Variants in GRM7 observed in about 807,000 individuals in gnomAD.
The protein encoded by GRM7 is metabotropic glutamate receptor 7.
GRM7 carries 35 observed loss-of-function variants against 84.5 expected under a neutral mutation model. The observed-to-expected ratio is 0.41, with a 90% confidence interval of 0.32 to 0.55. The LOEUF (loss-of-function observed/expected upper bound fraction) is 0.55, where lower values mean the gene tolerates loss of function less well. GRM7 is among the 20% of genes least tolerant of loss of function. The pLI, the probability that GRM7 is intolerant of heterozygous loss-of-function variation, is 0.19. For missense variants in GRM7, 1,003 were observed against 1,194.6 expected, an observed-to-expected ratio of 0.84 and a Z score of 2.36; for synonymous variants, 487 against 455.1, an observed-to-expected ratio of 1.07 and a Z score of -0.89.
chr3:7,422,919 C>T (rs984327881), intron 5 of GRM7, among the ~76,000 whole-genome samples: 7 of 151,978 alleles, frequency 4.6e-5, no homozygotes, highest in African/African-American at 1.2e-4. Context: ...TGACACTAAC[C>T]GAAGTACAAG....
chr3:7,688,618 G>A (rs1700675575), intron 9 of GRM7, among the ~76,000 whole-genome samples: 1 of 152,178 alleles, frequency 6.6e-6, no homozygotes, highest in African/African-American at 2.4e-5. Flanking sequence ...AATGGGACTA[G>A]TAAACTTGGG....
chr3:7,450,418 C>T (rs1029182402), intron 5 of GRM7, among the ~76,000 whole-genome samples: 3 of 152,056 alleles, frequency 2.0e-5, no homozygotes, highest in African/African-American at 4.8e-5. Context: ...GACAAAACTC[C>T]TCCACTTCTC....
intron 1 of GRM7, among the ~76,000 whole-genome samples, chr3:6,868,963 T>C (rs987554055): frequency 6.6e-6 from 1 of 152,186 alleles, no homozygotes; most frequent in Non-Finnish European, 1.5e-5. Context: ...TGATGGAAAG[T>C]AGCAAGAAAG....
chr3:7,287,736 A>G (rs1317417093), intron 2 of GRM7, among the ~76,000 whole-genome samples: 2 of 152,176 alleles, frequency 1.3e-5, no homozygotes, highest in Admixed American at 1.3e-4. Flanking sequence ...CTTAACAATG[A>G]TAAATCTCAA....
At chr3:7,722,396 G>A (rs559520454) in intron 9 of GRM7, among the ~76,000 whole-genome samples, 6 of 151,258 alleles carry the variant, frequency 4.0e-5, no homozygotes, top group East Asian at 1.9e-4. Flanking sequence ...GGCATGAAGA[G>A]ATAAAGTAAC....
intron 8 of GRM7, among the ~76,000 whole-genome samples, chr3:7,596,060 A>G (rs531251350): frequency 4.8e-4 from 73 of 152,304 alleles, no homozygotes; most frequent in Non-Finnish European, 8.5e-4. Flanking sequence ...AAGGCAAAAG[A>G]CCATGGTAGC....
At chr3:7,185,490 T>C (rs1290318440) in intron 2 of GRM7, among the ~76,000 whole-genome samples, 1 of 152,200 alleles carries the variant, frequency 6.6e-6, no homozygotes, top group Non-Finnish European at 1.5e-5. Context: ...GACCCCACTA[T>C]GTAGCTCTAT....
At chr3:7,251,195 G>A (rs1264232662) in intron 2 of GRM7, among the ~76,000 whole-genome samples, 2 of 152,110 alleles carry the variant, frequency 1.3e-5, no homozygotes, top group South Asian at 2.1e-4. Context: ...CAAAAGGGAT[G>A]TAGCCATGGT....
intron 1 of GRM7, among the ~76,000 whole-genome samples, chr3:6,969,094 T>G (rs1693637729): frequency 6.6e-6 from 1 of 150,472 alleles, no homozygotes; most frequent in Admixed American, 6.7e-5. Flanking sequence ...GGGTGTTTTT[T>G]TTTTCTTTCT....
chr3:7,480,588 A>G (rs1377574804), intron 7 of GRM7, among the ~76,000 whole-genome samples: 1 of 152,264 alleles, frequency 6.6e-6, no homozygotes, highest in Non-Finnish European at 1.5e-5. Flanking sequence ...TACAATATTT[A>G]TACATATTAT....
intron 9 of GRM7, among the ~76,000 whole-genome samples, chr3:7,723,818 GC>G (rs1702031959): frequency 6.6e-6 from 1 of 152,096 alleles, no homozygotes; most frequent in Non-Finnish European, 1.5e-5. Context: ...CTGCACTCCA[GC>G]CTGGGCAACA....
chr3:6,948,018 T>C (rs930710447), intron 1 of GRM7, among the ~76,000 whole-genome samples: 2 of 152,204 alleles, frequency 1.3e-5, no homozygotes, highest in Admixed American at 6.5e-5. Flanking sequence ...CCTGGATTCA[T>C]TGATTTTTTT....
At chr3:7,166,592 A>G (rs1472264712) in intron 2 of GRM7, among the ~76,000 whole-genome samples, 1 of 152,016 alleles carries the variant, frequency 6.6e-6, no homozygotes, top group Non-Finnish European at 1.5e-5. Context: ...TGTCAGTGAC[A>G]GACCTGGGAC....
intron 1 of GRM7, among the ~76,000 whole-genome samples, chr3:6,989,023 G>A (rs1239010591): frequency 6.6e-6 from 1 of 152,120 alleles, no homozygotes; most frequent in African/African-American, 2.4e-5. Context: ...TTTCTTTAGG[G>A]TAGGATTTCT....
intron 1 of GRM7, among the ~76,000 whole-genome samples, chr3:7,042,525 T>C (rs1696665265): frequency 6.6e-6 from 1 of 152,188 alleles, no homozygotes; most frequent in Admixed American, 6.5e-5. Flanking sequence ...CCCCCATTCT[T>C]TCTTTTTCTC....
At chr3:7,347,746 T>A (rs1692955273) in intron 4 of GRM7, among the ~76,000 whole-genome samples, 1 of 152,112 alleles carries the variant, frequency 6.6e-6, no homozygotes, top group African/African-American at 2.4e-5. Context: ...ACCATTTATC[T>A]CTCCTATTCC....
intron 9 of GRM7, among the ~76,000 whole-genome samples, chr3:7,717,603 C>A (rs1367391087): frequency 1.3e-5 from 2 of 152,156 alleles, no homozygotes; most frequent in Admixed American, 1.3e-4. Context: ...AAAGATAAAT[C>A]AAACTCCTGT....
At chr3:7,113,374 G>A (rs938963790) in intron 1 of GRM7, among the ~76,000 whole-genome samples, 33 of 152,028 alleles carry the variant, frequency 2.2e-4, no homozygotes, top group South Asian at 1.0e-3. Context: ...ACACAGCCTC[G>A]TTCCTTATCT....
intron 1 of GRM7, among the ~76,000 whole-genome samples, chr3:7,121,198 G>A (rs1399778916): frequency 3.9e-5 from 6 of 152,058 alleles, no homozygotes; most frequent in East Asian, 1.9e-4. Flanking sequence ...ATCCTCCTAC[G>A]GCAGATTCCA....
Sources: gnomAD v4.1 joint callset for allele counts (sites outside exome capture counted in the v4.1 genomes callset) on GRCh38, gnomAD v4.1.1 for gene constraint, MANE v1.5 for transcripts, NCBI Gene and HGNC (gene_info 2026-07-23, HGNC 2026-07-21) for gene names.